Variants in SV2C observed in about 807,000 individuals in gnomAD.
SV2C encodes the protein synaptic vesicle glycoprotein 2C.
Under a neutral mutation model 79.7 loss-of-function variants are expected in SV2C, and 49 were observed. That is an observed-to-expected ratio of 0.61 (90% CI 0.49 to 0.78). SV2C has a LOEUF of 0.78. Among genes scored for constraint, SV2C ranks in the 30% least tolerant of loss-of-function variants. The pLI is 0.00. For synonymous variants in SV2C, 334 were observed against 333.2 expected (o/e 1.00, Z -0.03); for missense variants, 833 against 912.9 (o/e 0.91, Z 1.13).
intron 1 of SV2C, among the ~76,000 whole-genome samples, chr5:76,129,936 T>G (rs899869779): frequency 3.3e-5 from 5 of 152,030 alleles, no homozygotes; most frequent in Non-Finnish European, 7.4e-5. Flanking sequence ...TTTTATTTAT[T>G]GTGTGAAATA....
At chr5:75,939,720 G>A in the SV2C span, among the ~76,000 whole-genome samples, 1 of 152,060 alleles carries the variant, frequency 6.6e-6, no homozygotes, top group African/African-American at 2.4e-5. Flanking sequence ...AGCATCACAT[G>A]ACTTGAAATG....
chr5:76,285,101 A>G, intron 4 of SV2C, 61 bp from the exon 5 acceptor site: 1 of 1,596,510 alleles, frequency 6.3e-7, no homozygotes, highest in Non-Finnish European at 8.5e-7. Context: ...ATCCCGGGTG[A>G]TGTTCCCAGG....
intron 4 of SV2C, chr5:76,280,960 A>G (rs1267975280): frequency 9.3e-6 from 5 of 536,368 alleles, no homozygotes; most frequent in Middle Eastern, 3.6e-4. Context: ...GGATGACAGG[A>G]TCCTGGTGAT....
At chr5:76,050,277 T>C in the SV2C span, among the ~76,000 whole-genome samples, 88,322 of 152,070 alleles carry the variant, frequency 0.58, 27,654 homozygotes, top group African/African-American at 0.82. Flanking sequence ...TTGGTTTCAA[T>C]GTAGGGTGAT....
At chr5:76,339,515 C>A (rs957160672) in intron 12 of SV2C, among the ~76,000 whole-genome samples, 4 of 152,142 alleles carry the variant, frequency 2.6e-5, no homozygotes, top group African/African-American at 4.8e-5. Flanking sequence ...GAGATCGAGA[C>A]CATCCTGGCT....
intron 2 of SV2C, among the ~76,000 whole-genome samples, chr5:76,141,164 A>T (rs374580204): frequency 6.6e-6 from 1 of 152,202 alleles, no homozygotes; most frequent in Admixed American, 6.5e-5. Flanking sequence ...AGTCGGGTTC[A>T]CTTTCACAGG....
chr5:75,952,031 T>A, the SV2C span, among the ~76,000 whole-genome samples: 1 of 151,892 alleles, frequency 6.6e-6, no homozygotes, highest in Non-Finnish European at 1.5e-5. Flanking sequence ...AAATAAAGAA[T>A]GATAAGCAGG....
the SV2C span, among the ~76,000 whole-genome samples, chr5:76,001,006 T>TA: frequency 0.19 from 26,140 of 136,702 alleles, 2,681 homozygotes; most frequent in African/African-American, 0.3. Context: ...TCGGTACAAT[T>TA]AAAAAAAAAA....
the SV2C span, among the ~76,000 whole-genome samples, chr5:75,966,955 A>AAT: frequency 1.2e-4 from 19 of 152,254 alleles, no homozygotes; most frequent in African/African-American, 4.3e-4. Context: ...AAAACTTACT[A>AAT]ATATATATAT....
chr5:76,199,743 G>C (rs1744377787), intron 3 of SV2C, among the ~76,000 whole-genome samples: 2 of 152,212 alleles, frequency 1.3e-5, no homozygotes. Flanking sequence ...AAGTGAAATA[G>C]ATAGGAAGCC....
the SV2C span, among the ~76,000 whole-genome samples, chr5:76,042,882 G>A: frequency 7.9e-5 from 12 of 152,102 alleles, no homozygotes; most frequent in Non-Finnish European, 1.5e-5. Context: ...TGACCTCTCT[G>A]ATCCCATACT....
the SV2C span, among the ~76,000 whole-genome samples, chr5:75,947,589 C>A: frequency 6.6e-6 from 1 of 151,960 alleles, no homozygotes; most frequent in Non-Finnish European, 1.5e-5. Context: ...TGCTCCACTA[C>A]GCAGAGTGAA....
chr5:75,945,484 A>C, the SV2C span, among the ~76,000 whole-genome samples: 1 of 151,456 alleles, frequency 6.6e-6, no homozygotes, highest in Non-Finnish European at 1.5e-5. Context: ...GCTAATTATT[A>C]TTATTATTTT....
At chr5:76,032,223 CT>C in the SV2C span, among the ~76,000 whole-genome samples, 134 of 148,676 alleles carry the variant, frequency 9.0e-4, no homozygotes, top group African/African-American at 2.0e-3. Flanking sequence ...ACCATATCTT[CT>C]TTTTTTTTTC....
intron 4 of SV2C, among the ~76,000 whole-genome samples, chr5:76,266,366 C>A (rs761691751): frequency 6.6e-6 from 1 of 152,090 alleles, no homozygotes; most frequent in Non-Finnish European, 1.5e-5. Flanking sequence ...TGCCACCACG[C>A]CCAGCTAATT....
At chr5:76,064,525 C>T in the SV2C span, among the ~76,000 whole-genome samples, 3 of 152,172 alleles carry the variant, frequency 2.0e-5, no homozygotes, top group African/African-American at 7.2e-5. Flanking sequence ...TCACTTGCTC[C>T]GTCATCATCC....
the SV2C span, among the ~76,000 whole-genome samples, chr5:75,903,262 A>T: frequency 6.6e-6 from 1 of 152,134 alleles, no homozygotes; most frequent in Non-Finnish European, 1.5e-5. Flanking sequence ...CTGTGTACAC[A>T]TGCATAACTG....
chr5:75,860,337 C>T, the SV2C span, among the ~76,000 whole-genome samples: 6 of 152,100 alleles, frequency 3.9e-5, no homozygotes, highest in Non-Finnish European at 5.9e-5. Flanking sequence ...AAAGTAATTG[C>T]GGTTTTTGCC....
chr5:75,913,163 T>C, the SV2C span, among the ~76,000 whole-genome samples: 1 of 152,160 alleles, frequency 6.6e-6, no homozygotes, highest in African/African-American at 2.4e-5. Context: ...GCTCTCCAAA[T>C]GATAGTGTTC....
Sources: gnomAD v4.1 joint callset for allele counts (sites outside exome capture counted in the v4.1 genomes callset) on GRCh38, gnomAD v4.1.1 for gene constraint, MANE v1.5 for transcripts, NCBI Gene and HGNC (gene_info 2026-07-23, HGNC 2026-07-21) for gene names.